The following CPNE4 variants were observed in gnomAD, a reference collection of about 807,000 sequenced individuals.
CPNE4 encodes the protein copine-4.
Under a neutral mutation model 67.9 loss-of-function variants are expected in CPNE4, and 25 were observed. The observed-to-expected ratio is 0.37, with a 90% confidence interval of 0.27 to 0.51. The LOEUF (loss-of-function observed/expected upper bound fraction) is 0.51, where lower values mean the gene tolerates loss of function less well. Ranked by LOEUF, CPNE4 falls within the 20% of genes least tolerant of loss-of-function variation. CPNE4 has a pLI of 0.93. For missense variants in CPNE4, 464 were observed against 690.8 expected (o/e 0.67, Z 3.68); for synonymous variants, 242 against 244.9 (o/e 0.99, Z 0.11).
chr3:132,031,439 C>T (rs1299571728), intron 1 of CPNE4, among the ~76,000 whole-genome samples: 1 of 152,188 alleles, frequency 6.6e-6, no homozygotes, highest in Non-Finnish European at 1.5e-5. Context: ...TTACACACCA[C>T]TGATTAAAAA....
At chr3:131,888,718 T>C (rs556555292) in intron 2 of CPNE4, among the ~76,000 whole-genome samples, 28 of 152,292 alleles carry the variant, frequency 1.8e-4, no homozygotes, top group African/African-American at 6.7e-4. Flanking sequence ...CACAGACAAG[T>C]GGAATGAAGT....
At chr3:131,913,921 G>A (rs2089082373) in intron 1 of CPNE4, among the ~76,000 whole-genome samples, 1 of 152,206 alleles carries the variant, frequency 6.6e-6, no homozygotes. Flanking sequence ...AAAGTCTTCA[G>A]AGGAGTATCT....
intron 2 of CPNE4, among the ~76,000 whole-genome samples, chr3:131,877,149 G>A (rs756494873): frequency 3.3e-5 from 5 of 152,026 alleles, no homozygotes; most frequent in Non-Finnish European, 7.3e-5. Context: ...TGGCCATTGA[G>A]ATATAAGCAG....
At chr3:131,909,599 A>G (rs895315021) in intron 1 of CPNE4, among the ~76,000 whole-genome samples, 1 of 152,170 alleles carries the variant, frequency 6.6e-6, no homozygotes, top group Non-Finnish European at 1.5e-5. Flanking sequence ...ATGTAAAAAA[A>G]AATAATGTAG....
intron 2 of CPNE4, among the ~76,000 whole-genome samples, chr3:131,871,216 C>T (rs778530402): frequency 5.2e-4 from 79 of 152,086 alleles, no homozygotes; most frequent in African/African-American, 1.3e-3. Flanking sequence ...TGGTGGCCAA[C>T]GGTCTTACAA....
intron 7 of CPNE4, among the ~76,000 whole-genome samples, chr3:131,658,462 A>G (rs1431218148): frequency 6.6e-6 from 1 of 152,214 alleles, no homozygotes; most frequent in Non-Finnish European, 1.5e-5. Context: ...CTCATTTTCA[A>G]TGAGCTCATG....
chr3:131,942,090 A>G (rs1205150549), intron 1 of CPNE4, among the ~76,000 whole-genome samples: 1 of 152,124 alleles, frequency 6.6e-6, no homozygotes, highest in Non-Finnish European at 1.5e-5. Context: ...TTTGTAAAAC[A>G]TAAAATAACT....
At chr3:131,696,123 T>C (rs1502677) in intron 5 of CPNE4, among the ~76,000 whole-genome samples, 111,485 of 152,124 alleles carry the variant, frequency 0.73, 41,795 homozygotes, top group African/African-American at 0.9. Flanking sequence ...TATTAATACG[T>C]GATAAATAGG....
At chr3:131,645,418 T>C (rs2079641536) in intron 7 of CPNE4, among the ~76,000 whole-genome samples, 1 of 152,230 alleles carries the variant, frequency 6.6e-6, no homozygotes, top group South Asian at 2.1e-4. Flanking sequence ...TAACATCTAA[T>C]ACAGGTCACT....
intron 1 of CPNE4, among the ~76,000 whole-genome samples, chr3:131,907,891 T>A (rs2088832667): frequency 6.6e-6 from 1 of 151,958 alleles, no homozygotes; most frequent in Non-Finnish European, 1.5e-5. Context: ...GGGAAATTAG[T>A]TTTAGGATGA....
chr3:131,896,146 C>G (rs10804603), intron 2 of CPNE4, among the ~76,000 whole-genome samples: 1 of 151,648 alleles, frequency 6.6e-6, no homozygotes, highest in Non-Finnish European at 1.5e-5. Context: ...AAATTCATAT[C>G]CAATAATGGA....
chr3:131,656,169 A>G (rs2079958850), intron 7 of CPNE4, among the ~76,000 whole-genome samples: 2 of 150,868 alleles, frequency 1.3e-5, no homozygotes, highest in Admixed American at 1.3e-4. Context: ...CCTTCTTCTA[A>G]CTCCCTATGG....
intron 1 of CPNE4, among the ~76,000 whole-genome samples, chr3:131,917,621 T>C (rs2070601863): frequency 6.6e-6 from 1 of 151,938 alleles, no homozygotes; most frequent in Admixed American, 6.6e-5. Context: ...GAATACCAGG[T>C]GGGGTTGCTT....
At chr3:131,546,877 GAC>G (rs1481323473) in intron 14 of CPNE4, among the ~76,000 whole-genome samples, 4 of 152,160 alleles carry the variant, frequency 2.6e-5, no homozygotes, top group African/African-American at 9.7e-5. Flanking sequence ...ACAAGTTTCT[GAC>G]TCTACTCCTT....
At chr3:131,686,402 T>A (rs545788758) in intron 5 of CPNE4, among the ~76,000 whole-genome samples, 2 of 152,380 alleles carry the variant, frequency 1.3e-5, no homozygotes, top group African/African-American at 4.8e-5. Context: ...ATTTTTATTA[T>A]CTCTTTCTTA....
intron 2 of CPNE4, among the ~76,000 whole-genome samples, chr3:131,755,803 C>T (rs555108794): frequency 3.1e-4 from 47 of 152,286 alleles, no homozygotes; most frequent in African/African-American, 1.1e-3. Flanking sequence ...CCTATCCCAT[C>T]ACATTAGACA....
intron 2 of CPNE4, among the ~76,000 whole-genome samples, chr3:131,856,819 C>T (rs376218678): frequency 3.9e-5 from 6 of 151,986 alleles, no homozygotes; most frequent in African/African-American, 1.4e-4. Flanking sequence ...GCTGTTGTCC[C>T]TATTATACAG....
chr3:131,973,309 G>C (rs890656390), intron 1 of CPNE4, among the ~76,000 whole-genome samples: 8 of 152,096 alleles, frequency 5.3e-5, no homozygotes, highest in African/African-American at 1.9e-4. Context: ...TCTGTTCTAT[G>C]GACTGTTTCT....
chr3:131,892,287 A>T (rs1465948155), intron 2 of CPNE4, among the ~76,000 whole-genome samples: 2 of 152,206 alleles, frequency 1.3e-5, no homozygotes, highest in South Asian at 2.1e-4. Context: ...TACCCTCATG[A>T]TCTAAGCTGC....
Sources: gnomAD v4.1 joint callset for allele counts (sites outside exome capture counted in the v4.1 genomes callset) on GRCh38, gnomAD v4.1.1 for gene constraint, MANE v1.5 for transcripts, NCBI Gene and HGNC (gene_info 2026-07-23, HGNC 2026-07-21) for gene names.